The following SPATA17 variants were observed in gnomAD, a reference collection of about 807,000 sequenced individuals.
SPATA17 encodes the protein spermatogenesis-associated protein 17.
SPATA17 carries 53 observed loss-of-function variants against 62.2 expected under a neutral mutation model. The ratio of observed to expected loss-of-function variants is 0.85; its 90% CI spans 0.68 to 1.07. The LOEUF (loss-of-function observed/expected upper bound fraction) is 1.07, where lower values mean the gene tolerates loss of function less well. SPATA17 is among the 50% of genes least tolerant of loss of function. The pLI is 0.00. For synonymous variants in SPATA17, 146 were observed against 146.8 expected, an observed-to-expected ratio of 0.99 and a Z score of 0.04; for missense variants, 466 against 425.5, an observed-to-expected ratio of 1.10 and a Z score of -0.84.
intron 1 of SPATA17, among the ~76,000 whole-genome samples, chr1:217,639,550 A>G (rs1401850816): frequency 1.3e-5 from 2 of 152,332 alleles, no homozygotes; most frequent in East Asian, 1.9e-4. Context: ...TTTTCATTTA[A>G]TTAAAAATTA....
At chr1:217,679,268 C>A (rs1413451341) in intron 4 of SPATA17, among the ~76,000 whole-genome samples, 1 of 152,142 alleles carries the variant, frequency 6.6e-6, no homozygotes, top group African/African-American at 2.4e-5. Flanking sequence ...TGGAGTAAGA[C>A]AAACCTGGGT....
rs766645844 is a variant in SPATA17 at position 217,744,462 on chromosome 1, C to CAAAAA, written c.519+2383_519+2387dup. On this transcript the variant is annotated intron_variant, in intron 6 of 10. Transcript: ENST00000366933. Reference sequence around the variant, plus strand: ...TGGGCGACAGAGCGAGACTCCGTCTCAAAAAAAAAAAAAAAAAAAAAAAGA... The same window carrying CAAAAA: ...TGGGCGACAGAGCGAGACTCCGTCTCAAAAAAAAAAAAAAAAAAAAAAAAAAAAGA... 1.8e-3 allele frequency among the ~76,000 whole-genome samples: 55 copies of CAAAAA among 30,558 alleles called. 2 individuals are homozygous for CAAAAA. The highest frequency in any genetic ancestry group is 3.3e-3 in the African/African-American group (38 of 11,444). The allele number at this position is 30,558 out of a possible 152,430, so 20.0% of individuals were successfully genotyped here.
At chr1:217,808,176 C>T (rs1347372987) in intron 9 of SPATA17, among the ~76,000 whole-genome samples, 1 of 152,142 alleles carries the variant, frequency 6.6e-6, no homozygotes, top group Admixed American at 6.5e-5. Context: ...CCTCCAGGAT[C>T]TTCTGACTCT....
At chr1:217,821,611 T>C (rs1258863554) in intron 9 of SPATA17, among the ~76,000 whole-genome samples, 26 of 151,834 alleles carry the variant, frequency 1.7e-4, no homozygotes, top group Non-Finnish European at 5.9e-5. Context: ...TAGATAAAAA[T>C]TCGAATAAGT....
intron 6 of SPATA17, among the ~76,000 whole-genome samples, chr1:217,758,332 GA>G (rs1258321936): frequency 1.3e-5 from 2 of 151,756 alleles, no homozygotes; most frequent in Non-Finnish European, 2.9e-5. Context: ...TATCGCTTAG[GA>G]AAAAAAAGCT....
intron 5 of SPATA17, chr1:217,739,421 C>T (rs1490281134): frequency 6.6e-6 from 1 of 151,950 alleles, no homozygotes; most frequent in Non-Finnish European, 1.5e-5. Flanking sequence ...TTATGTGTTT[C>T]TGTATTTGCA....
At chr1:217,739,111 T>C (rs1185309956) in intron 5 of SPATA17, among the ~76,000 whole-genome samples, 1 of 152,222 alleles carries the variant, frequency 6.6e-6, no homozygotes, top group Non-Finnish European at 1.5e-5. Context: ...TGTAAAGCTT[T>C]GCAAAAGTTT....
intron 4 of SPATA17, among the ~76,000 whole-genome samples, chr1:217,670,745 G>T (rs1670813440): frequency 6.6e-6 from 1 of 152,090 alleles, no homozygotes; most frequent in Admixed American, 6.5e-5. Context: ...GACGTCAGGA[G>T]TTCGAGGCCA....
chr1:217,700,735 C>T (rs887608058), intron 5 of SPATA17, among the ~76,000 whole-genome samples: 6 of 150,824 alleles, frequency 4.0e-5, no homozygotes, highest in South Asian at 2.1e-4. Flanking sequence ...TACAGGCATG[C>T]GCCGCCATGG....
chr1:217,677,338 A>T (rs542124857), intron 4 of SPATA17, among the ~76,000 whole-genome samples: 1 of 152,150 alleles, frequency 6.6e-6, no homozygotes, highest in African/African-American at 2.4e-5. Flanking sequence ...AAAATGATTA[A>T]ATATGTGTCA....
Position 217,727,528 on chromosome 1 carries a change from G to T in SPATA17, c.396-14447G>T, listed in dbSNP as rs116179370. ...ATTGCATAAATTTTTGAAAGCAGGG[G>T]CTATGTATTATTTTTTAGTACATAA... On this transcript the variant is annotated intron_variant, in intron 5 of 10. Coordinates refer to ENST00000366933, the MANE Select transcript of SPATA17 (RefSeq NM_138796.4). 3.6e-3 allele frequency among the ~76,000 whole-genome samples: 544 copies of T among 152,004 alleles called. 3 individuals are homozygous for T. The highest frequency in any genetic ancestry group is 0.012 in the African/African-American group (516 of 41,464).
At chr1:217,703,174 C>CTTTTTTTTTTTTTT (rs1203063860) in intron 5 of SPATA17, among the ~76,000 whole-genome samples, 1,309 of 105,350 alleles carry the variant, frequency 0.012, 108 homozygotes, top group African/African-American at 0.041. Flanking sequence ...TGCGCTCGGC[C>CTTTTTTTTTTTTTT]TTTTTTTTTT....
At chr1:217,685,917 A>G (rs888193418) in intron 5 of SPATA17, among the ~76,000 whole-genome samples, 1 of 152,152 alleles carries the variant, frequency 6.6e-6, no homozygotes, top group Non-Finnish European at 1.5e-5. Flanking sequence ...ATTATAGTAT[A>G]TTGTTATACT....
intron 5 of SPATA17, among the ~76,000 whole-genome samples, chr1:217,727,885 T>G (rs1394416615): frequency 2.0e-5 from 3 of 152,184 alleles, no homozygotes; most frequent in African/African-American, 2.4e-5. Context: ...TTTTTCCATC[T>G]GCAAAAATAT....
intron 1 of SPATA17, among the ~76,000 whole-genome samples, chr1:217,635,524 C>A (rs1039443545): frequency 2.0e-5 from 3 of 151,726 alleles, no homozygotes; most frequent in Admixed American, 6.6e-5. Context: ...TCCAACATGG[C>A]AAAACCCTGT....
At chr1:217,779,259 G>A (rs1192172745) in intron 7 of SPATA17, among the ~76,000 whole-genome samples, 2 of 150,664 alleles carry the variant, frequency 1.3e-5, no homozygotes, top group Non-Finnish European at 3.0e-5. Flanking sequence ...ATTTATATAT[G>A]TATATATGTA....
chr1:217,849,848 G>A (rs1255012576), intron 9 of SPATA17, among the ~76,000 whole-genome samples: 1 of 152,108 alleles, frequency 6.6e-6, no homozygotes, highest in African/African-American at 2.4e-5. Flanking sequence ...TATGCCTTCT[G>A]AGATATCTGA....
chr1:217,669,170 C>A (rs1366593840), intron 4 of SPATA17, 87 bp downstream of exon 4: 1 of 1,128,606 alleles, frequency 8.9e-7, no homozygotes, highest in Non-Finnish European at 1.3e-6. Context: ...CAGAATAATG[C>A]AAATTTGATT....
At chr1:217,808,154 A>G (rs1231587058) in intron 9 of SPATA17, among the ~76,000 whole-genome samples, 1 of 152,200 alleles carries the variant, frequency 6.6e-6, no homozygotes, top group African/African-American at 2.4e-5. Flanking sequence ...ATTCATGGAA[A>G]GAACAAAGTC....
Sources: gnomAD v4.1 joint callset for allele counts (sites outside exome capture counted in the v4.1 genomes callset) on GRCh38, gnomAD v4.1.1 for gene constraint, MANE v1.5 for transcripts, NCBI Gene and HGNC (gene_info 2026-07-23, HGNC 2026-07-21) for gene names.